The following TEAD1 variants were observed in gnomAD, a reference collection of about 807,000 sequenced individuals.
TEAD1 encodes transcriptional enhancer factor TEF-1.
Under a neutral mutation model 54.9 loss-of-function variants are expected in TEAD1, and 9 were observed. The observed-to-expected ratio is 0.16, with a 90% CI of 0.10 to 0.29. The LOEUF (loss-of-function observed/expected upper bound fraction) is 0.29, where lower values mean the gene tolerates loss of function less well. Among genes scored for constraint, TEAD1 ranks in the 10% least tolerant of loss-of-function variants. TEAD1 has a pLI of 1.00. For missense variants in TEAD1, 387 were observed against 535.9 expected (o/e 0.72, Z 2.74); for synonymous variants, 200 against 187.8 (o/e 1.07, Z -0.53).
chr11:12,925,200 C>T (rs1043710190), intron 11 of TEAD1, 148 bp downstream of exon 11: 14 of 904,864 alleles, frequency 1.5e-5, no homozygotes, highest in Non-Finnish European at 2.4e-5. Context: ...TGAAGAACTA[C>T]CTGAAAATGG....
intron 10 of TEAD1, among the ~76,000 whole-genome samples, chr11:12,915,742 G>A (rs1474916589): frequency 6.6e-6 from 1 of 152,192 alleles, no homozygotes; most frequent in Non-Finnish European, 1.5e-5. Context: ...TACTTGGGAG[G>A]CTGAGGCAGT....
At chr11:12,793,723 G>A (rs1452259487) in intron 3 of TEAD1, among the ~76,000 whole-genome samples, 2 of 152,184 alleles carry the variant, frequency 1.3e-5, no homozygotes, top group African/African-American at 4.8e-5. Context: ...GTAGGATGTG[G>A]AACATGAATC....
At chr11:12,930,733 A>G (rs1182831539) in intron 12 of TEAD1, among the ~76,000 whole-genome samples, 1 of 152,186 alleles carries the variant, frequency 6.6e-6, no homozygotes, top group Non-Finnish European at 1.5e-5. Flanking sequence ...TAATTTCAAC[A>G]TTAGCCAAGT....
At chr11:12,873,954 G>A (rs1350295103) in intron 5 of TEAD1, among the ~76,000 whole-genome samples, 3 of 152,200 alleles carry the variant, frequency 2.0e-5, no homozygotes, top group Admixed American at 6.5e-5. Flanking sequence ...GCTGGTTAAA[G>A]CATATTTGAA....
In TEAD1 at chr11:12,902,091, C is replaced by G; in HGVS notation, c.851C>G (p.Ala284Gly). 6.2e-7 allele frequency: 1 copy of G among 1,614,224 alleles called. No individual in the cohort carries two copies. The highest frequency in any genetic ancestry group is 2.2e-5 in the East Asian group (1 of 44,886). The change falls in exon 10 of 13, where the codon GCC (alanine) becomes GGC (glycine). Residue 284 changes from alanine to glycine, a missense_variant. Physicochemically the swap from Ala to Gly is moderately conservative, Grantham distance 60. Transcript: ENST00000527636. ...CTGTTTGGAAAGGGCCCTCAAAATG[C>G]CTTCTTCCTCGTAAAATTCTGGGTG...
chr11:12,835,079 C>G (rs1946859348), intron 3 of TEAD1, among the ~76,000 whole-genome samples: 1 of 152,128 alleles, frequency 6.6e-6, no homozygotes, highest in South Asian at 2.1e-4. Context: ...TTCAGAGCTT[C>G]TTGTTATAGC....
At chr11:12,853,209 A>G (rs1947308979) in intron 3 of TEAD1, among the ~76,000 whole-genome samples, 2 of 152,148 alleles carry the variant, frequency 1.3e-5, no homozygotes, top group East Asian at 1.9e-4. Flanking sequence ...TATTGCAGCT[A>G]TAATACCTTA....
chr11:12,826,507 G>A (rs1459035570), intron 3 of TEAD1, among the ~76,000 whole-genome samples: 1 of 152,120 alleles, frequency 6.6e-6, no homozygotes, highest in Non-Finnish European at 1.5e-5. Flanking sequence ...CAGCAGAGTG[G>A]GAAATAGACA....
intron 2 of TEAD1, among the ~76,000 whole-genome samples, chr11:12,702,162 T>G (rs1430209133): frequency 1.3e-5 from 2 of 152,156 alleles, no homozygotes; most frequent in African/African-American, 4.8e-5. Flanking sequence ...CTCTCAGCAC[T>G]CAGGGGCCGC....
intron 2 of TEAD1, among the ~76,000 whole-genome samples, chr11:12,711,142 C>G (rs1232554218): frequency 1.3e-5 from 2 of 152,080 alleles, no homozygotes; most frequent in Admixed American, 6.5e-5. Context: ...CCCTCTGACT[C>G]TGAGACTGGA....
At chr11:12,714,358 A>G (rs1269512027) in intron 2 of TEAD1, among the ~76,000 whole-genome samples, 1 of 152,116 alleles carries the variant, frequency 6.6e-6, no homozygotes, top group African/African-American at 2.4e-5. Context: ...TATCCTCTGT[A>G]TAGTGCTCTG....
At chr11:12,786,346 A>G (rs965486662) in intron 3 of TEAD1, among the ~76,000 whole-genome samples, 3 of 152,216 alleles carry the variant, frequency 2.0e-5, no homozygotes, top group Admixed American at 1.3e-4. Flanking sequence ...AGGAGAGGAA[A>G]TGGTTCTTCA....
At chr11:12,815,557 C>T (rs972799223) in intron 3 of TEAD1, among the ~76,000 whole-genome samples, 1 of 152,196 alleles carries the variant, frequency 6.6e-6, no homozygotes, top group African/African-American at 2.4e-5. Context: ...TTAGTTAAAA[C>T]TGGCCATGAC....
intron 12 of TEAD1, among the ~76,000 whole-genome samples, chr11:12,931,414 G>T (rs182432590): frequency 1.3e-5 from 2 of 152,314 alleles, no homozygotes; most frequent in African/African-American, 4.8e-5. Flanking sequence ...CAAAAGAGGG[G>T]CAACAAGGCT....
chr11:12,808,928 C>G (rs73425613), intron 3 of TEAD1, among the ~76,000 whole-genome samples: 1 of 152,110 alleles, frequency 6.6e-6, no homozygotes, highest in Non-Finnish European at 1.5e-5. Context: ...GCATAATTCT[C>G]GCAAAATGCT....
At position 12,872,237 on chromosome 11, in the gene TEAD1, C is replaced by T. The variant is rs527959407; in HGVS notation, c.330+7337C>T. Among the ~76,000 whole-genome samples the T allele has an allele frequency of 9.0e-4, 137 of 152,300 alleles. 1 individual carries two copies. Among genetic ancestry groups the T allele is most frequent in the Admixed American group, 2.2e-3 (34 of 15,292 alleles). ...GTCCACAGGGAAGGTAGACGTACTTCACTTCACTCTGTGTTGCTCCGTGAA... is the reference window on the plus strand; with the variant it reads ...GTCCACAGGGAAGGTAGACGTACTTTACTTCACTCTGTGTTGCTCCGTGAA... On this transcript the variant is annotated intron_variant, in intron 5 of 12. Transcript: ENST00000527636.
At chr11:12,929,858 A>G (rs888701836) in intron 11 of TEAD1, among the ~76,000 whole-genome samples, 4 of 152,108 alleles carry the variant, frequency 2.6e-5, no homozygotes, top group Admixed American at 2.0e-4. Context: ...GCTCTTACAG[A>G]TCTCCTCCAG....
At chr11:12,720,148 A>G (rs1463331923) in intron 2 of TEAD1, among the ~76,000 whole-genome samples, 2 of 151,708 alleles carry the variant, frequency 1.3e-5, no homozygotes, top group Non-Finnish European at 2.9e-5. Flanking sequence ...TCTATGGCAT[A>G]TTTAATTTCC....
At chr11:12,832,503 T>G (rs1731696440) in intron 3 of TEAD1, among the ~76,000 whole-genome samples, 1 of 152,248 alleles carries the variant, frequency 6.6e-6, no homozygotes, top group South Asian at 2.1e-4. Context: ...GTTTAAGGTT[T>G]CCTTCTGCTT....
Sources: allele counts gnomAD v4.1 joint callset (sites outside exome capture counted in the v4.1 genomes callset), GRCh38; gene constraint gnomAD v4.1.1; transcripts MANE v1.5; gene names NCBI Gene and HGNC (gene_info 2026-07-23, HGNC 2026-07-21).